PDE10A: variants seen among roughly 807,000 people sequenced by gnomAD.
PDE10A encodes the protein phosphodiesterase 10A.
A neutral mutation model predicts 97.7 loss-of-function variants in PDE10A; 39 were observed. The observed-to-expected ratio is 0.40, with a 90% CI of 0.31 to 0.52. PDE10A has a LOEUF of 0.52. Among genes scored for constraint, PDE10A ranks in the 20% least tolerant of loss-of-function variants. The pLI is 0.56. For missense variants in PDE10A, 731 were observed against 1,047.8 expected (o/e 0.70, Z 4.17); for synonymous variants, 371 against 376.8 (o/e 0.98, Z 0.18).
intron 18 of PDE10A, among the ~76,000 whole-genome samples, chr6:165,371,587 C>G (rs1379198973): frequency 6.6e-6 from 1 of 152,058 alleles, no homozygotes; most frequent in Admixed American, 6.6e-5. Flanking sequence ...CAATAATCAA[C>G]AGCTTACCAA....
chr6:165,669,532 T>C (rs1790588623), intron 1 of PDE10A, among the ~76,000 whole-genome samples: 1 of 152,242 alleles, frequency 6.6e-6, no homozygotes, highest in African/African-American at 2.4e-5. Flanking sequence ...AAGGGTTTTA[T>C]TGTTTCCAAG....
At chr6:165,970,304 A>T (rs1343997104) in intron 1 of PDE10A, among the ~76,000 whole-genome samples, 4 of 152,246 alleles carry the variant, frequency 2.6e-5, no homozygotes, top group Non-Finnish European at 5.9e-5. Context: ...CAACTGACAA[A>T]ACCTGAATGA....
chr6:165,951,780 C>G (rs1783970648), intron 1 of PDE10A, among the ~76,000 whole-genome samples: 1 of 152,230 alleles, frequency 6.6e-6, no homozygotes, highest in Non-Finnish European at 1.5e-5. Flanking sequence ...GCGGGCACAT[C>G]TTCTCCATGC....
chr6:165,624,031 GCCT>G (rs773759562), intron 1 of PDE10A, among the ~76,000 whole-genome samples: 13 of 152,292 alleles, frequency 8.5e-5, no homozygotes, highest in Admixed American at 4.6e-4. Context: ...CAAGGCCAAG[GCCT>G]CCTCATCAAA....
chr6:165,904,023 G>A (rs1175985746), intron 1 of PDE10A, among the ~76,000 whole-genome samples: 1 of 152,190 alleles, frequency 6.6e-6, no homozygotes, highest in Non-Finnish European at 1.5e-5. Flanking sequence ...CTCAGCTGAG[G>A]AAGTGGGGAT....
At chr6:165,645,826 C>T (rs957573125) in intron 1 of PDE10A, among the ~76,000 whole-genome samples, 9 of 132,556 alleles carry the variant, frequency 6.8e-5, no homozygotes, top group African/African-American at 2.6e-4. Context: ...TGTACTCTAG[C>T]CTGGGCAGCA....
At chr6:165,978,136 T>G (rs781731650) in intron 1 of PDE10A, among the ~76,000 whole-genome samples, 1 of 152,208 alleles carries the variant, frequency 6.6e-6, no homozygotes, top group Non-Finnish European at 1.5e-5. Context: ...TGGAAATGGC[T>G]TACATCTTGG....
At chr6:165,462,285 C>A (rs1778370774) in intron 3 of PDE10A, among the ~76,000 whole-genome samples, 1 of 152,168 alleles carries the variant, frequency 6.6e-6, no homozygotes, top group Admixed American at 6.5e-5. Context: ...CCCACAGATG[C>A]AATTGAATCT....
intron 10 of PDE10A, among the ~76,000 whole-genome samples, chr6:165,425,716 C>T (rs1789080510): frequency 1.3e-5 from 2 of 151,316 alleles, no homozygotes; most frequent in Admixed American, 1.3e-4. Context: ...AAAGAAAACA[C>T]ATCTGGATTA....
At chr6:165,730,764 A>AAAT (rs3049853) in intron 1 of PDE10A, among the ~76,000 whole-genome samples, 1 of 138,224 alleles carries the variant, frequency 7.2e-6, no homozygotes, top group African/African-American at 2.8e-5. Context: ...AAAAAAAAAA[A>AAAT]TCCGGGCCCG....
Position 165,644,249 on chromosome 6 carries a change from C to T in PDE10A, c.865+17698G>A, listed in dbSNP as rs193213217. On this transcript the variant is annotated intron_variant, in intron 1 of 21. Transcript: ENST00000539869. ...TTTTTTTTGTATTTTTAGTAGAGAA[C>T]GGGGTTTCACCGTGTGTTAGCCAGG... 1.4e-4 allele frequency among the ~76,000 whole-genome samples: 21 copies of T among 152,170 alleles called. No homozygotes were observed. The East Asian group carries it at 3.7e-3, about 27-fold the overall frequency.
At chr6:165,906,734 A>G (rs1782296449) in intron 1 of PDE10A, among the ~76,000 whole-genome samples, 2 of 152,220 alleles carry the variant, frequency 1.3e-5, no homozygotes, top group South Asian at 4.1e-4. Flanking sequence ...TGCTTAGGGA[A>G]GAGAACACTT....
chr6:165,758,784 G>A (rs1387269909), intron 1 of PDE10A, among the ~76,000 whole-genome samples: 1 of 152,080 alleles, frequency 6.6e-6, no homozygotes, highest in Non-Finnish European at 1.5e-5. Context: ...ACTCTAAAAA[G>A]GTTCTTCCAT....
At chr6:165,906,943 G>A (rs866724036) in intron 1 of PDE10A, among the ~76,000 whole-genome samples, 4 of 152,216 alleles carry the variant, frequency 2.6e-5, no homozygotes, top group Non-Finnish European at 5.9e-5. Flanking sequence ...CTGGGTTGCA[G>A]AAGGAAGGAA....
intron 2 of PDE10A, among the ~76,000 whole-genome samples, chr6:165,512,053 T>C (rs1281840178): frequency 2.0e-5 from 3 of 152,010 alleles, no homozygotes; most frequent in African/African-American, 2.4e-5. Flanking sequence ...GAAGTTGTTA[T>C]TGTCACATTG....
intron 2 of PDE10A, among the ~76,000 whole-genome samples, chr6:165,499,735 CATGA>C (rs1443741457): frequency 6.6e-6 from 1 of 152,078 alleles, no homozygotes; most frequent in Non-Finnish European, 1.5e-5. Flanking sequence ...CATTTTTGCT[CATGA>C]ATGATTAACT....
At chr6:165,771,007 C>G (rs1777994875) in intron 1 of PDE10A, among the ~76,000 whole-genome samples, 1 of 152,188 alleles carries the variant, frequency 6.6e-6, no homozygotes, top group Non-Finnish European at 1.5e-5. Flanking sequence ...AGCTCCATCC[C>G]TCTTTGCCCA....
At chr6:165,485,549 T>C (rs1343305770) in intron 2 of PDE10A, among the ~76,000 whole-genome samples, 2 of 151,360 alleles carry the variant, frequency 1.3e-5, no homozygotes, top group African/African-American at 2.4e-5. Flanking sequence ...CAGGCAATTA[T>C]TGAAGGCCAC....
intron 1 of PDE10A, among the ~76,000 whole-genome samples, chr6:165,877,817 C>T (rs998035874): frequency 1.3e-5 from 2 of 152,122 alleles, no homozygotes; most frequent in Non-Finnish European, 2.9e-5. Flanking sequence ...CGCTTTATAT[C>T]TTATAAAAGC....
Sources: gnomAD v4.1 joint callset for allele counts (sites outside exome capture counted in the v4.1 genomes callset) on GRCh38, gnomAD v4.1.1 for gene constraint, MANE v1.5 for transcripts, NCBI Gene and HGNC (gene_info 2026-07-23, HGNC 2026-07-21) for gene names.